Variants in TMCO4 observed in about 807,000 individuals in gnomAD.
The protein encoded by TMCO4 is transmembrane and coiled-coil domains 4, also known as transmembrane and coiled-coil domain-containing protein 4.
TMCO4 carries 58 observed loss-of-function variants against 64.7 expected under a neutral mutation model. That is an observed-to-expected ratio of 0.90 (90% CI 0.73 to 1.12). The LOEUF (loss-of-function observed/expected upper bound fraction) is 1.12. Among genes scored for constraint, TMCO4 ranks in the 50% most tolerant of loss-of-function variants. The pLI is 0.00. For synonymous variants in TMCO4, 325 were observed against 346.1 expected (o/e 0.94, Z 0.68); for missense variants, 780 against 825.9 (o/e 0.94, Z 0.68).
intron 14 of TMCO4, among the ~76,000 whole-genome samples, chr1:19,695,140 CCAGG>C (rs1479459395): frequency 1.3e-5 from 2 of 152,192 alleles, no homozygotes; most frequent in African/African-American, 2.4e-5. Flanking sequence ...GGGTGGTTGT[CCAGG>C]CAGTCACAGC....
At chr1:19,764,483 G>A (rs2042641175) in intron 6 of TMCO4, among the ~76,000 whole-genome samples, 3 of 152,214 alleles carry the variant, frequency 2.0e-5, no homozygotes, top group South Asian at 2.1e-4. Flanking sequence ...ACACGGGGCC[G>A]GGCATACACA....
chr1:19,750,898 C>G (rs2041997579), intron 7 of TMCO4, among the ~76,000 whole-genome samples: 1 of 152,190 alleles, frequency 6.6e-6, no homozygotes, highest in South Asian at 2.1e-4. Flanking sequence ...ACCCTCTGTG[C>G]CACATTATCC....
intron 6 of TMCO4, among the ~76,000 whole-genome samples, chr1:19,763,448 C>G (rs1395133364): frequency 6.6e-6 from 1 of 152,180 alleles, no homozygotes; most frequent in Non-Finnish European, 1.5e-5. Flanking sequence ...TTGGCTGGCA[C>G]CTGGGACACA....
intron 7 of TMCO4, among the ~76,000 whole-genome samples, chr1:19,755,026 AC>A (rs1417643841): frequency 2.0e-5 from 3 of 152,206 alleles, no homozygotes; most frequent in Non-Finnish European, 4.4e-5. Flanking sequence ...GTGCCCGTGA[AC>A]CAGGTGTCAT....
Position 19,755,784 on chromosome 1 carries a change from A to C in TMCO4, c.383-18T>G. On this transcript the variant is annotated intron_variant, in intron 6 of 15. Transcript: ENST00000294543. ...ATAGTGCCCTCGAAAGACAGAAACAACACCGGAAAAGAATCAGTTTAGGTT... is the reference window on the plus strand; with the variant it reads ...ATAGTGCCCTCGAAAGACAGAAACACCACCGGAAAAGAATCAGTTTAGGTT... 6.2e-7 allele frequency: 1 copy of C among 1,613,836 alleles called. No individual in the cohort carries two copies. The highest frequency in any genetic ancestry group is 8.5e-7 in the Non-Finnish European group (1 of 1,179,898).
chr1:19,747,210 C>T lies in TMCO4; in HGVS notation c.566G>A (p.Arg189His), dbSNP rs150401450. 4,548 of 1,614,054 alleles carry T rather than the reference C, an allele frequency of 2.8e-3. 12 individuals are homozygous for T. Among genetic ancestry groups the T allele is most frequent in the Middle Eastern group, 5.6e-3 (34 of 6,062 alleles). Residue 189 changes from arginine (R) to histidine (H), a missense_variant, in exon 8 of 16, where the codon CGT becomes CAT. Coordinates refer to ENST00000294543, the MANE Select transcript of TMCO4 (RefSeq NM_181719.7). ...AGTCGCCAGGCCTATCAGGAGATAA[C>T]GCTTCCATTTCCTCCGGTTTTCTTT... ...KKKENRRKWK[R>H]YLLIGLATVG... is the part of the protein sequence containing the mutation.
At chr1:19,691,242 C>T (rs1236980735) in intron 15 of TMCO4, among the ~76,000 whole-genome samples, 3 of 152,138 alleles carry the variant, frequency 2.0e-5, no homozygotes, top group Admixed American at 2.0e-4. Flanking sequence ...TATTCTACCC[C>T]AGTCCCCAAA....
At chr1:19,720,666 A>T (rs1175551270) in intron 13 of TMCO4, among the ~76,000 whole-genome samples, 1 of 152,236 alleles carries the variant, frequency 6.6e-6, no homozygotes, top group Admixed American at 6.5e-5. Flanking sequence ...GTGTCTAAGA[A>T]AACGAGTTAA....
At chr1:19,777,991 T>C (rs2043288784) in intron 4 of TMCO4, among the ~76,000 whole-genome samples, 1 of 152,178 alleles carries the variant, frequency 6.6e-6, no homozygotes, top group South Asian at 2.1e-4. Flanking sequence ...GTGAGCTATG[T>C]CTGTATCACT....
intron 7 of TMCO4, among the ~76,000 whole-genome samples, chr1:19,753,615 G>C (rs375280471): frequency 3.3e-5 from 5 of 152,120 alleles, no homozygotes; most frequent in Non-Finnish European, 7.4e-5. Flanking sequence ...AGAAATTTAC[G>C]TATCATTCAA....
chr1:19,795,515 A>T (rs187393121), intron 2 of TMCO4, among the ~76,000 whole-genome samples: 22 of 152,304 alleles, frequency 1.4e-4, no homozygotes, highest in Admixed American at 2.0e-4. Flanking sequence ...TTTAAAAAAA[A>T]TTTAAACATT....
intron 13 of TMCO4, among the ~76,000 whole-genome samples, chr1:19,707,697 C>T (rs1011360248): frequency 3.3e-5 from 5 of 152,198 alleles, no homozygotes; most frequent in East Asian, 1.9e-4. Context: ...CTAGCCTTCT[C>T]GGTTGTATTA....
intron 4 of TMCO4, among the ~76,000 whole-genome samples, chr1:19,772,514 TG>T (rs1469612419): frequency 6.6e-6 from 1 of 151,800 alleles, no homozygotes; most frequent in Non-Finnish European, 1.5e-5. Context: ...CCAGAGCATT[TG>T]GGGGGATGAT....
At chr1:19,799,828 C>G (rs966524597) in intron 1 of TMCO4, 27 bp downstream of exon 1, 1 of 151,984 alleles carries the variant, frequency 6.6e-6, no homozygotes, top group Non-Finnish European at 1.5e-5. Context: ...CCACCGTGGC[C>G]TGGCGGCTCC....
chr1:19,702,895 C>T (rs79839140), intron 13 of TMCO4, among the ~76,000 whole-genome samples: 4,254 of 152,356 alleles, frequency 0.028, 195 homozygotes, highest in African/African-American at 0.096. Flanking sequence ...GCATGTGGAC[C>T]AGGCTTGGAG....
At chr1:19,704,931 C>T (rs1321419227) in intron 13 of TMCO4, among the ~76,000 whole-genome samples, 2 of 152,178 alleles carry the variant, frequency 1.3e-5, no homozygotes, top group African/African-American at 2.4e-5. Flanking sequence ...AGCTGGGACC[C>T]TCCCCCTTTC....
At position 19,771,486 on chromosome 1, in the gene TMCO4, A is replaced by T. The variant is rs2042981047; in HGVS notation, c.180-4T>A. The T allele has an allele frequency of 6.2e-7, 1 of 1,613,190 alleles. No homozygotes were observed. Among genetic ancestry groups the T allele is most frequent in the African/African-American group, 1.3e-5 (1 of 74,930 alleles). Reference sequence around the variant, plus strand: ...CATGAACTCTGTGCAGAAGGAGCTGAAAGGCAGACATGGCTTAGTTCTCCA... The same window carrying T: ...CATGAACTCTGTGCAGAAGGAGCTGTAAGGCAGACATGGCTTAGTTCTCCA... On this transcript the variant is annotated splice_polypyrimidine_tract_variant and splice_region_variant and intron_variant, in intron 4 of 15. Transcript: ENST00000294543.
chr1:19,746,380 C>T, intron 9 of TMCO4, 76 bp downstream of exon 9: 1 of 1,579,482 alleles, frequency 6.3e-7, no homozygotes, highest in South Asian at 1.2e-5. Flanking sequence ...TGGTGAGGAT[C>T]CAGGCATGTC....
At chr1:19,737,591 G>T in intron 12 of TMCO4, 135 bp from the exon 13 acceptor site, 2 of 683,370 alleles carry the variant, frequency 2.9e-6, no homozygotes, top group Non-Finnish European at 4.8e-6. Flanking sequence ...GTGCTGTTCC[G>T]GTCCCTGAGC....
Sources: gnomAD v4.1 joint callset for allele counts (sites outside exome capture counted in the v4.1 genomes callset) on GRCh38, gnomAD v4.1.1 for gene constraint, MANE v1.5 for transcripts, NCBI Gene and HGNC (gene_info 2026-07-23, HGNC 2026-07-21) for gene names.